SLC17A5: variants seen among roughly 807,000 people sequenced by gnomAD.
SLC17A5 encodes the protein sialin.
In SLC17A5, 47 loss-of-function variants were observed where a neutral mutation model predicts 59.4. The ratio of observed to expected loss-of-function variants is 0.79; its 90% CI spans 0.63 to 1.01. The LOEUF is 1.01. Ranked by LOEUF, SLC17A5 falls within the 50% of genes least tolerant of loss-of-function variation. The pLI, the probability that SLC17A5 is intolerant of heterozygous loss-of-function variation, is 0.00. For synonymous variants in SLC17A5, 202 were observed against 210.7 expected (o/e 0.96, Z 0.36); for missense variants, 522 against 595.5 (o/e 0.88, Z 1.28).
chr6:73,641,576 C>T, intron 3 of SLC17A5, 115 bp downstream of exon 3: 1 of 780,094 alleles, frequency 1.3e-6, no homozygotes, highest in Non-Finnish European at 2.1e-6. Flanking sequence ...AAATAAACCC[C>T]TGTTATCATC....
intron 6 of SLC17A5, among the ~76,000 whole-genome samples, chr6:73,627,070 C>T (rs993867406): frequency 6.7e-6 from 1 of 149,832 alleles, no homozygotes; most frequent in Admixed American, 6.7e-5. Context: ...CCACGCCTGG[C>T]CAGAACTAAT....
intron 10 of SLC17A5, among the ~76,000 whole-genome samples, chr6:73,600,046 G>A (rs941923348): frequency 1.3e-5 from 2 of 152,052 alleles, no homozygotes; most frequent in South Asian, 2.1e-4. Context: ...CACCTGCCTC[G>A]GCCTCCCAAA....
At chr6:73,629,045 TG>T (rs1261464691) in intron 6 of SLC17A5, among the ~76,000 whole-genome samples, 1 of 152,208 alleles carries the variant, frequency 6.6e-6, no homozygotes, top group Non-Finnish European at 1.5e-5. Context: ...GCTGCAAAAT[TG>T]TATACTCTTC....
At chr6:73,599,433 G>T (rs907143257) in intron 10 of SLC17A5, among the ~76,000 whole-genome samples, 1 of 152,032 alleles carries the variant, frequency 6.6e-6, no homozygotes, top group Non-Finnish European at 1.5e-5. Flanking sequence ...CAAATCAAGC[G>T]CAGTTCCCAC....
At chr6:73,643,708 C>T (rs147567038) in intron 2 of SLC17A5, among the ~76,000 whole-genome samples, 31 of 152,026 alleles carry the variant, frequency 2.0e-4, no homozygotes, top group African/African-American at 7.0e-4. Flanking sequence ...AACTACTCAC[C>T]TCAGGTGATC....
chr6:73,644,451 A>G lies in SLC17A5; in HGVS notation c.247T>C (p.Cys83Arg). 1.2e-6 allele frequency: 2 copies of G among 1,614,080 alleles called. No individual in the cohort carries two copies. Among genetic ancestry groups the G allele is most frequent in the Non-Finnish European group, 1.7e-6 (2 of 1,179,984 alleles). Residue 83 changes from cysteine to arginine, a missense_variant, in exon 2 of 11, where the codon TGT becomes CGT. Physicochemically the swap from Cys to Arg is radical, Grantham distance 180. Transcript: ENST00000355773. ...TLEDNRTSKA[C>R]PEHSAPIKVH... ...TTTATGGGAGCAGAATGCTCTGGAC[A>G]CGCCTTGGAAGTTCTATTATCTTCT...
At chr6:73,631,962 G>A (rs1050796232) in intron 6 of SLC17A5, among the ~76,000 whole-genome samples, 3 of 148,754 alleles carry the variant, frequency 2.0e-5, no homozygotes, top group Non-Finnish European at 4.5e-5. Context: ...GCAGCTTCAC[G>A]TAACACATCA....
At chr6:73,650,728 T>C (rs1002712215) in intron 1 of SLC17A5, among the ~76,000 whole-genome samples, 12 of 150,942 alleles carry the variant, frequency 8.0e-5, no homozygotes, top group Admixed American at 4.6e-4. Context: ...TGGACTTTGA[T>C]TGTAACCCAA....
At chr6:73,643,634 G>A (rs777049909) in intron 2 of SLC17A5, among the ~76,000 whole-genome samples, 5 of 151,734 alleles carry the variant, frequency 3.3e-5, no homozygotes, top group Non-Finnish European at 5.9e-5. Flanking sequence ...GTGCTACCAC[G>A]CCCAGCTAAT....
chr6:73,620,930 T>C (rs1475382253), intron 7 of SLC17A5, among the ~76,000 whole-genome samples: 1 of 152,044 alleles, frequency 6.6e-6, no homozygotes, highest in Non-Finnish European at 1.5e-5. Context: ...TGCTGTATTA[T>C]CCAATCTGTA....
rs1161830919 is a variant in SLC17A5 at position 73,615,255 on chromosome 6, TATAACTGTAAACATGGTAA to T, written c.1111+41_1111+59del. 3 of 1,583,112 alleles carry T rather than the reference TATAACTGTAAACATGGTAA, an allele frequency of 1.9e-6. No homozygotes were observed. The Admixed American group carries it at 5.0e-5, about 26-fold the overall frequency. On this transcript the variant is annotated intron_variant, in intron 8 of 10. Transcript: ENST00000355773. The stretch of plus-strand genomic sequence containing the variant: ...AAACACACTTTGTTTTCCTATCTCC[TATAACTGTAAACATGGTAA>T]ATAACTGTAAACCAAAACAAAACCT...
rs1462658508 is a variant in SLC17A5, at chr6:73,594,909, A to T, written c.*168T>A. The T allele has an allele frequency of 1.4e-6, 1 of 725,116 alleles. No individual in the cohort carries two copies. The highest frequency in any genetic ancestry group is 1.8e-5 in the African/African-American group (1 of 56,012). The allele number at this position is 725,116 out of a possible 1,614,324, so 44.9% of individuals were successfully genotyped here. A position where few individuals can be genotyped will look rare whatever the true frequency, so the allele number is the denominator to read the frequency against. ...TATTATTCATAATTAAACACAGTTC[A>T]TTTTATTATTCTGGCAACTAGTGAT... On this transcript the variant is annotated 3_prime_UTR_variant, in exon 11 of 11. Transcript: ENST00000355773.
At chr6:73,616,947 C>A (rs1337233063) in intron 7 of SLC17A5, among the ~76,000 whole-genome samples, 1 of 151,612 alleles carries the variant, frequency 6.6e-6, no homozygotes, top group Non-Finnish European at 1.5e-5. Context: ...CCTCATTTTT[C>A]GCGTCCAATC....
chr6:73,642,025 C>G, intron 2 of SLC17A5, 101 bp from the exon 3 acceptor site: 1 of 1,076,900 alleles, frequency 9.3e-7, no homozygotes, highest in Non-Finnish European at 1.4e-6. Flanking sequence ...GATTTTGAAC[C>G]ACTATTTTGG....
Position 73,641,733 on chromosome 6 carries a change from A to C in SLC17A5, c.483T>G (p.Val161=). ...GTGCTCTGAGTACAATGAGTGGTCC[A>C]ACTCCTAAATCTGCAGCAATGGGAG... The part of the protein sequence containing the change: ...LFTPIAADLG[V]GPLIVLRALE... Residue 161 remains valine, a synonymous_variant, in exon 3 of 11, where the codon GTT becomes GTG. Transcript: ENST00000355773. 3 of 1,614,158 alleles carry C rather than the reference A, an allele frequency of 1.9e-6. No homozygotes were observed. Among genetic ancestry groups the C allele is most frequent in the Non-Finnish European group, 2.5e-6 (3 of 1,179,982 alleles).
Position 73,621,813 on chromosome 6 carries a change from A to G in SLC17A5, c.969T>C (p.Asn323=). ...GATTATTTTTTCTTACCTCTTGAAC[A>G]TTGAACCTTAGGATCTCCTTCATAT... ...PTYMKEILRF[N]VQENGFLSSL... Residue 323 remains asparagine (N), a synonymous_variant, in exon 7 of 11, where the codon AAT becomes AAC. Transcript: ENST00000355773. The G allele has an allele frequency of 6.2e-7, 1 of 1,608,056 alleles. No homozygotes were observed. The highest frequency in any genetic ancestry group is 8.5e-7 in the Non-Finnish European group (1 of 1,174,544).
At chr6:73,638,273 G>A in intron 4 of SLC17A5, 139 bp downstream of exon 4, 2 of 676,646 alleles carry the variant, frequency 3.0e-6, no homozygotes, top group East Asian at 2.7e-5. Flanking sequence ...TGGTAATAAA[G>A]TTATACTACC....
intron 6 of SLC17A5, among the ~76,000 whole-genome samples, chr6:73,632,291 C>CAAAAAAAAAAAAA (rs71000140): frequency 1.6e-5 from 1 of 63,752 alleles, no homozygotes; most frequent in African/African-American, 6.0e-5. Flanking sequence ...GAGCTAGACT[C>CAAAAAAAAAAAAA]AAAAAAAAAA....
chr6:73,619,922 G>GTTTTTTTTT, intron 7 of SLC17A5, among the ~76,000 whole-genome samples: 1 of 119,126 alleles, frequency 8.4e-6, no homozygotes, highest in Non-Finnish European at 1.8e-5. Flanking sequence ...TTGAGAATTT[G>GTTTTTTTTT]TTTTTTTTTT....
Sources: allele counts gnomAD v4.1 joint callset (sites outside exome capture counted in the v4.1 genomes callset), GRCh38; gene constraint gnomAD v4.1.1; transcripts MANE v1.5; gene names NCBI Gene and HGNC (gene_info 2026-07-23, HGNC 2026-07-21).